Variants in ADGRG1 observed in about 807,000 individuals in gnomAD.
The protein encoded by ADGRG1 is 7-transmembrane protein with no EGF-like N-terminal domains-1.
ADGRG1 carries 53 observed loss-of-function variants against 73.5 expected under a neutral mutation model. That is an observed-to-expected ratio of 0.72 (90% CI 0.58 to 0.91). The LOEUF (loss-of-function observed/expected upper bound fraction) is 0.91, where lower values mean the gene tolerates loss of function less well. Ranked by LOEUF, ADGRG1 falls within the 40% of genes least tolerant of loss-of-function variation. The pLI, the probability that ADGRG1 is intolerant of heterozygous loss-of-function variation, is 0.00. For missense variants in ADGRG1, 795 were observed against 871.8 expected (o/e 0.91, Z 1.11); for synonymous variants, 394 against 374.4 (o/e 1.05, Z -0.60).
In ADGRG1 at chr16:57,651,228, CT is replaced by C; in HGVS notation, c.96del (p.Arg33AlafsTer80). 3 of 1,614,190 alleles carry C rather than the reference CT, an allele frequency of 1.9e-6. No homozygotes were observed. The highest frequency in any genetic ancestry group is 2.5e-6 in the Non-Finnish European group (3 of 1,180,020). On this transcript the variant is annotated frameshift_variant, in exon 3 of 14. Transcript: ENST00000562631. LOFTEE classifies it high-confidence loss of function. ...CCCACGGCAGGGGCCACAGGGAAGA[CT>C]TTCGCTTCTGCAGCCAGCGGAACCA... ...GAHGRGHRED[F>X]RFCSQRNQTH...
At chr16:57,623,940 T>C (rs1179759266), upstream of ADGRG1, 1 of 490,834 alleles carries the variant, frequency 2.0e-6, no homozygotes, top group African/African-American at 2.1e-5. Context: ...AGTTCCTCTC[T>C]CTGAGCCTCA....
intron 1 of ADGRG1, chr16:57,629,288 C>G (rs572124770): frequency 2.7e-5 from 12 of 439,102 alleles, no homozygotes; most frequent in Non-Finnish European, 3.6e-5. Context: ...CCAAGGGGAG[C>G]GACACCTCCC....
At position 57,655,473 on chromosome 16, in the gene ADGRG1, C is replaced by A. The variant is rs1801257; in HGVS notation, c.843C>A (p.Ser281Arg). ...TCTTCCAGAGGACGAAAGGCCGGAG[C>A]GGGGAGGCTGAGAAGAGACTCCTCC... ...RTLFQRTKGR[S>R]GEAEKRLLLV... Residue 281 changes from serine (S) to arginine (R), a missense_variant, in exon 6 of 14, where the codon AGC (serine) becomes AGA (arginine). By Grantham distance (110) the Ser-to-Arg change is moderately radical. Transcript: ENST00000562631. The A allele has an allele frequency of 1.9e-5, 30 of 1,613,420 alleles. No homozygotes were observed. Among genetic ancestry groups the A allele is most frequent in the Middle Eastern group, 3.3e-4 (2 of 6,082 alleles).
chr16:57,660,927 G>GA, intron 12 of ADGRG1, 51 bp downstream of exon 12: 2 of 1,112,784 alleles, frequency 1.8e-6, no homozygotes, highest in Non-Finnish European at 2.7e-6. Context: ...TGGGCACAGA[G>GA]GCCAGAGTGC....
chr16:57,644,693 C>T (rs537667406), intron 1 of ADGRG1, among the ~76,000 whole-genome samples: 4 of 124,434 alleles, frequency 3.2e-5, no homozygotes, highest in African/African-American at 6.1e-5. Flanking sequence ...CACAAGCACA[C>T]ACATGCACGG....
chr16:57,647,824 AT>A, intron 1 of ADGRG1: 1 of 964,108 alleles, frequency 1.0e-6, no homozygotes, highest in Non-Finnish European at 1.2e-6. Context: ...GTGTGTCTGG[AT>A]TTCTTCCGTG....
intron 1 of ADGRG1, chr16:57,640,772 G>A (rs903033398): frequency 6.5e-6 from 3 of 462,782 alleles, no homozygotes; most frequent in African/African-American, 6.3e-5. Context: ...AGGACCTCGA[G>A]GAGGGGGAGG....
At position 57,634,571 on chromosome 16, in the gene ADGRG1, G is replaced by A. The variant is rs1441428896; in HGVS notation, c.-36+5769G>A. On this transcript the variant is annotated intron_variant, in intron 1 of 13. Coordinates refer to ENST00000562631, the MANE Select transcript of ADGRG1 (RefSeq NM_201525.4). ...GATGAGGAATCAGGCCCAAGAGCTC[G>A]GAGCAGTCAGTGGTAGCAGAGCCCG... 1.1e-5 allele frequency: 8 copies of A among 727,774 alleles called. No homozygotes were observed. The African/African-American group carries it at 1.1e-4, about 10-fold the overall frequency. 45.1% of individuals were successfully genotyped at this position (727,774 alleles called of 1,614,324 possible). A position where few individuals can be genotyped will look rare whatever the true frequency, so the allele number is the denominator to read the frequency against.
chr16:57,653,755 C>T, intron 4 of ADGRG1: 2 of 953,688 alleles, frequency 2.1e-6, no homozygotes, highest in Non-Finnish European at 2.5e-6. Context: ...GTCCTGGCCT[C>T]CTCTGTCTGA....
At chr16:57,633,401 C>T (rs937189404) in intron 1 of ADGRG1, 18 of 985,256 alleles carry the variant, frequency 1.8e-5, no homozygotes, top group Non-Finnish European at 2.2e-5. Flanking sequence ...TACCTAAATG[C>T]GGCTTTGTGG....
chr16:57,628,128 G>A, upstream of ADGRG1: 3 of 886,424 alleles, frequency 3.4e-6, no homozygotes, highest in Non-Finnish European at 3.8e-6. Context: ...CTGCCCGGCT[G>A]CCTGTCACCC....
At position 57,643,651 on chromosome 16, in the gene ADGRG1, G is replaced by A. The variant is rs1297629621; in HGVS notation, c.-35-6602G>A. The stretch of plus-strand genomic sequence containing the variant: ...CAGGCCTGGGCACCTGCCAGCCTCC[G>A]AGGCAGGCAGCTTGCTTCATTTTAT... On this transcript the variant is annotated intron_variant, in intron 1 of 13. Transcript: ENST00000562631. 31 of 984,958 alleles carry A rather than the reference G, an allele frequency of 3.1e-5. No homozygotes were observed. The South Asian group carries it at 6.1e-4, about 19-fold the overall frequency. 61.0% of individuals were successfully genotyped at this position (984,958 alleles called of 1,614,324 possible).
chr16:57,647,328 C>T (rs2042925775), intron 1 of ADGRG1: 3 of 983,572 alleles, frequency 3.1e-6, no homozygotes, highest in Non-Finnish European at 1.2e-6. Flanking sequence ...CCTCAAGGTG[C>T]TCTGGTGGGT....
In ADGRG1 at chr16:57,661,776, A is replaced by T. The variant is rs775708467; in HGVS notation, c.1744A>T (p.Met582Leu). 84 of 1,614,112 alleles carry T rather than the reference A, an allele frequency of 5.2e-5. No homozygotes were observed. The highest frequency in any genetic ancestry group is 6.5e-5 in the Non-Finnish European group (77 of 1,180,040). ...CCTGGTGTTTCTGTTCAACATGGCC[A>T]TGCTAGCCACCATGGTGGTGCAGAT... ...FSLVFLFNMA[M>L]LATMVVQILR... is the part of the protein sequence containing the mutation. The change falls in exon 13 of 14, where the codon ATG (methionine) becomes TTG (leucine). Residue 582 changes from methionine to leucine, a missense_variant. Met to Leu is a conservative substitution (Grantham distance 15). Transcript: ENST00000562631.
chr16:57,659,292 G>A, intron 10 of ADGRG1, 121 bp from the exon 11 acceptor site: 3 of 1,575,660 alleles, frequency 1.9e-6, no homozygotes, highest in Non-Finnish European at 2.6e-6. Context: ...TAGGGGCCAT[G>A]TATGACTGCA....
chr16:57,640,243 C>T (rs976272909), intron 1 of ADGRG1: 2 of 152,238 alleles, frequency 1.3e-5, no homozygotes, highest in Non-Finnish European at 2.9e-5. Flanking sequence ...TGTGACTTTT[C>T]AAGAGATGTG....
intron 4 of ADGRG1, 108 bp downstream of exon 4, chr16:57,653,443 C>T (rs1406715704): frequency 4.5e-6 from 7 of 1,545,902 alleles, no homozygotes; most frequent in Non-Finnish European, 6.1e-6. Context: ...TTCCCTGGGA[C>T]TGGAATGCTT....
At chr16:57,645,313 G>C (rs2042324783) in intron 1 of ADGRG1, 1 of 985,302 alleles carries the variant, frequency 1.0e-6, no homozygotes, top group Non-Finnish European at 1.2e-6. Context: ...GACTAGGCTG[G>C]AACCTGGAGA....
chr16:57,656,126 G>T (rs2045664772), intron 7 of ADGRG1, 100 bp from the exon 8 acceptor site: 1 of 1,613,510 alleles, frequency 6.2e-7, no homozygotes, highest in East Asian at 2.2e-5. Flanking sequence ...AATGGGGCGG[G>T]TGGTGGCTTG....
Sources: gnomAD v4.1 joint callset for allele counts (sites outside exome capture counted in the v4.1 genomes callset) on GRCh38, gnomAD v4.1.1 for gene constraint, MANE v1.5 for transcripts, NCBI Gene and HGNC (gene_info 2026-07-23, HGNC 2026-07-21) for gene names.